NETO2: variants seen among roughly 807,000 people sequenced by gnomAD.
NETO2 encodes the protein neuropilin and tolloid like 2.
A neutral mutation model predicts 62.5 loss-of-function variants in NETO2; 28 were observed. The observed-to-expected ratio is 0.45, with a 90% CI of 0.33 to 0.61. NETO2 has a LOEUF of 0.61. Among genes scored for constraint, NETO2 ranks in the 20% least tolerant of loss-of-function variants. The pLI, the probability that NETO2 is intolerant of heterozygous loss-of-function variation, is 0.02. For missense variants in NETO2, 548 were observed against 643.2 expected, an observed-to-expected ratio of 0.85 and a Z score of 1.60; for synonymous variants, 214 against 219.1, an observed-to-expected ratio of 0.98 and a Z score of 0.21.
chr16:47,092,263 C>T (rs889417912), intron 7 of NETO2, among the ~76,000 whole-genome samples: 4 of 152,150 alleles, frequency 2.6e-5, no homozygotes, highest in South Asian at 2.1e-4. Context: ...CTCTCCCTGG[C>T]GGCTCCCTTT....
chr16:47,131,102 T>G (rs1048939765), intron 2 of NETO2, among the ~76,000 whole-genome samples: 16 of 149,770 alleles, frequency 1.1e-4, no homozygotes, highest in African/African-American at 3.4e-4. Flanking sequence ...TTCCTAAAGA[T>G]AAAATTCAGC....
At chr16:47,103,963 A>T (rs146604301) in intron 7 of NETO2, among the ~76,000 whole-genome samples, 2 of 152,376 alleles carry the variant, frequency 1.3e-5, no homozygotes, top group East Asian at 3.9e-4. Flanking sequence ...TAAGATCAAG[A>T]ATAAGACAGA....
intron 7 of NETO2, among the ~76,000 whole-genome samples, chr16:47,089,767 T>C (rs1225127236): frequency 2.0e-5 from 3 of 152,198 alleles, no homozygotes; most frequent in South Asian, 2.1e-4. Flanking sequence ...GGGTTTGTCA[T>C]AGATATCATA....
At chr16:47,096,090 C>T (rs554702274) in intron 7 of NETO2, among the ~76,000 whole-genome samples, 27 of 151,988 alleles carry the variant, frequency 1.8e-4, no homozygotes, top group East Asian at 1.5e-3. Flanking sequence ...AAGAAATCCA[C>T]GGGAAATTAT....
At chr16:47,096,163 G>C (rs1252653817) in intron 7 of NETO2, among the ~76,000 whole-genome samples, 1 of 152,094 alleles carries the variant, frequency 6.6e-6, no homozygotes, top group Non-Finnish European at 1.5e-5. Flanking sequence ...ACTAAAAGCA[G>C]TAGTAAAAGG....
intron 7 of NETO2, among the ~76,000 whole-genome samples, chr16:47,108,272 T>C (rs1262353586): frequency 1.3e-5 from 2 of 152,134 alleles, no homozygotes; most frequent in Middle Eastern, 3.2e-3. Context: ...GTAGTAACTG[T>C]TACAGGCAGA....
At chr16:47,101,541 G>A (rs554821392) in intron 7 of NETO2, among the ~76,000 whole-genome samples, 160 of 152,270 alleles carry the variant, frequency 1.1e-3, no homozygotes, top group Non-Finnish European at 1.6e-3. Context: ...AAACCCCATC[G>A]TCTCAGCCCA....
chr16:47,140,454 T>A (rs1477173398), intron 1 of NETO2, among the ~76,000 whole-genome samples: 1 of 152,244 alleles, frequency 6.6e-6, no homozygotes, highest in Non-Finnish European at 1.5e-5. Flanking sequence ...TTCTAGTCTA[T>A]CATTTTTCTA....
chr16:47,087,261 T>A (rs1374801091), intron 7 of NETO2, among the ~76,000 whole-genome samples: 2 of 152,168 alleles, frequency 1.3e-5, no homozygotes, highest in African/African-American at 2.4e-5. Flanking sequence ...CCTGACCTCG[T>A]GATCCACCTG....
chr16:47,131,734 AG>A, intron 2 of NETO2, among the ~76,000 whole-genome samples: 1 of 152,240 alleles, frequency 6.6e-6, no homozygotes, highest in Middle Eastern at 3.2e-3. Flanking sequence ...ACAGTATGCT[AG>A]GAGCTACTAG....
Position 47,127,035 on chromosome 16 carries a change from C to A in NETO2, c.481+1290G>T, listed in dbSNP as rs1964171240. Among the ~76,000 whole-genome samples, 3 of 152,160 alleles carry A rather than the reference C, an allele frequency of 2.0e-5. No homozygotes were observed. The South Asian group carries it at 6.2e-4, about 32-fold the overall frequency. On this transcript the variant is annotated intron_variant, in intron 4 of 8. Coordinates refer to ENST00000562435, the MANE Select transcript of NETO2 (RefSeq NM_018092.5). ...CAAAAGAAACAGATATAGAAAAACA[C>A]TGGAAGGGATATACACCAAATTGTT...
chr16:47,122,814 G>T (rs772630449), intron 5 of NETO2, 30 bp from the exon 6 acceptor site: 1 of 1,613,714 alleles, frequency 6.2e-7, no homozygotes, highest in South Asian at 1.1e-5. Flanking sequence ...GGTGTTCAAA[G>T]GAACATAAGA....
chr16:47,109,067 G>A (rs1422295418), intron 7 of NETO2, among the ~76,000 whole-genome samples: 1 of 152,264 alleles, frequency 6.6e-6, no homozygotes. Flanking sequence ...TATAATGAGT[G>A]TTCCAATTGA....
intron 6 of NETO2, among the ~76,000 whole-genome samples, chr16:47,119,156 CTTTTTT>C (rs1256390525): frequency 7.0e-6 from 1 of 141,912 alleles, no homozygotes; most frequent in Non-Finnish European, 1.6e-5. Flanking sequence ...TTTTCTTTTT[CTTTTTT>C]TTTTTTTGAG....
At chr16:47,086,031 G>A (rs972846108) in intron 8 of NETO2, among the ~76,000 whole-genome samples, 195 bp downstream of exon 8, 3 of 152,126 alleles carry the variant, frequency 2.0e-5, no homozygotes, top group South Asian at 2.1e-4. Context: ...GTGTGAACCC[G>A]GGAGGCGGAG....
At chr16:47,139,845 C>T (rs1042943936) in intron 1 of NETO2, among the ~76,000 whole-genome samples, 19 of 152,286 alleles carry the variant, frequency 1.2e-4, no homozygotes, top group South Asian at 8.3e-4. Context: ...TCTGAGATGG[C>T]GCTTTTGTAA....
At chr16:47,093,886 G>A (rs941351961) in intron 7 of NETO2, among the ~76,000 whole-genome samples, 1 of 152,150 alleles carries the variant, frequency 6.6e-6, no homozygotes, top group African/African-American at 2.4e-5. Flanking sequence ...AAATCATACA[G>A]CTTACCATTA....
In NETO2 at chr16:47,078,341, G is replaced by C. The variant is rs1963011627; in HGVS notation, c.*4880C>G. ...GAACAAGTTTTTAATTCTAGTTCAA[G>C]AGTCAAAATTCTTTTCTATAAAATG... On this transcript the variant is annotated 3_prime_UTR_variant, in exon 9 of 9. Coordinates refer to ENST00000562435, the MANE Select transcript of NETO2 (RefSeq NM_018092.5). The C allele has an allele frequency of 6.6e-6, 1 of 152,168 alleles. No individual in the cohort carries two copies. Among genetic ancestry groups the C allele is most frequent in the Non-Finnish European group, 1.5e-5 (1 of 68,026 alleles). The allele number at this position is 152,168 out of a possible 1,614,324, so 9.4% of individuals were successfully genotyped here. A position where few individuals can be genotyped will look rare whatever the true frequency, so the allele number is the denominator to read the frequency against.
intron 7 of NETO2, among the ~76,000 whole-genome samples, chr16:47,107,305 A>G (rs761692341): frequency 3.8e-4 from 58 of 152,256 alleles, no homozygotes; most frequent in Non-Finnish European, 6.3e-4. Context: ...TGTTTCCACA[A>G]CTCCCACATA....
Sources: gnomAD v4.1 joint callset for allele counts (sites outside exome capture counted in the v4.1 genomes callset) on GRCh38, gnomAD v4.1.1 for gene constraint, MANE v1.5 for transcripts, NCBI Gene and HGNC (gene_info 2026-07-23, HGNC 2026-07-21) for gene names.